Variants in TLL2 observed in about 807,000 individuals in gnomAD.
The protein encoded by TLL2 is tolloid-like protein 2.
In TLL2, 106 loss-of-function variants were observed where a neutral mutation model predicts 123.0. That is an observed-to-expected ratio of 0.86 (90% CI 0.74 to 1.01). The LOEUF is 1.01. Among genes scored for constraint, TLL2 ranks in the 50% least tolerant of loss-of-function variants. TLL2 has a pLI of 0.00. For synonymous variants in TLL2, 494 were observed against 516.8 expected, an observed-to-expected ratio of 0.96 and a Z score of 0.60; for missense variants, 1,332 against 1,336.7, an observed-to-expected ratio of 1.00 and a Z score of 0.06.
intron 9 of TLL2, among the ~76,000 whole-genome samples, chr10:96,407,874 CGT>C (rs3838344): frequency 3.9e-5 from 6 of 151,942 alleles, no homozygotes; most frequent in East Asian, 3.9e-4. Context: ...TGTGCGCACA[CGT>C]GTGTGCGTGT....
chr10:96,394,315 C>T (rs939058836), intron 13 of TLL2, among the ~76,000 whole-genome samples: 1 of 152,194 alleles, frequency 6.6e-6, no homozygotes, highest in Non-Finnish European at 1.5e-5. Context: ...CTCCTGGGCG[C>T]CCAGGCCCAA....
intron 2 of TLL2, among the ~76,000 whole-genome samples, chr10:96,466,977 T>C (rs1314495571): frequency 6.6e-6 from 1 of 152,204 alleles, no homozygotes; most frequent in Non-Finnish European, 1.5e-5. Flanking sequence ...ATGTCATAGG[T>C]AGCCCTAAGA....
At chr10:96,491,824 A>G (rs1208455778) in intron 1 of TLL2, among the ~76,000 whole-genome samples, 1 of 152,160 alleles carries the variant, frequency 6.6e-6, no homozygotes, top group South Asian at 2.1e-4. Context: ...GTCACTGAAC[A>G]TGGAGTTGGG....
intron 7 of TLL2, among the ~76,000 whole-genome samples, chr10:96,414,569 C>T (rs1589416615): frequency 2.0e-5 from 3 of 152,010 alleles, no homozygotes; most frequent in East Asian, 3.9e-4. Flanking sequence ...TCCCTCTGTC[C>T]TCTCTCTCCA....
chr10:96,459,669 C>CAAAAA (rs1165594084), intron 2 of TLL2, among the ~76,000 whole-genome samples: 1 of 24,446 alleles, frequency 4.1e-5, no homozygotes, highest in Non-Finnish European at 6.7e-5. Flanking sequence ...GATCCTGTTT[C>CAAAAA]AAAAAAAAAA....
chr10:96,398,868 C>CTTTTTT (rs3033618), intron 10 of TLL2, among the ~76,000 whole-genome samples: 4 of 107,736 alleles, frequency 3.7e-5, no homozygotes, highest in African/African-American at 3.8e-5. Context: ...TGAAAATATT[C>CTTTTTT]TTTTTTTTTT....
Position 96,506,271 on chromosome 10 carries a change from A to AAAG in TLL2, c.175+7239_175+7240insCTT, listed in dbSNP as rs1373761621. Among the ~76,000 whole-genome samples the AAAG allele has an allele frequency of 4.1e-4, 61 of 150,210 alleles. 3 individuals carry two copies. The highest frequency in any genetic ancestry group is 9.3e-4 in the Admixed American group (14 of 15,064). On this transcript the variant is annotated intron_variant, in intron 1 of 20. Transcript: ENST00000357947. ...CATCTCAAAAAAAAAAAAAAGAAAA[A>AAAG]AAAAAAAGAAAAAAGGAAAGTGACA...
At chr10:96,486,994 G>C (rs547557496) in intron 1 of TLL2, among the ~76,000 whole-genome samples, 1 of 152,338 alleles carries the variant, frequency 6.6e-6, no homozygotes, top group African/African-American at 2.4e-5. Flanking sequence ...AATCCTTTAC[G>C]AAGGCACTTT....
intron 20 of TLL2, among the ~76,000 whole-genome samples, chr10:96,369,089 C>T (rs530681537): frequency 6.6e-6 from 1 of 152,310 alleles, no homozygotes; most frequent in African/African-American, 2.4e-5. Flanking sequence ...ATAAGTCCAG[C>T]CAATAGCAAA....
chr10:96,395,938 T>C lies in TLL2; in HGVS notation c.1467A>G (p.Glu489=). 1 of 1,614,204 alleles carries C rather than the reference T, an allele frequency of 6.2e-7. No homozygotes were observed. Among genetic ancestry groups the C allele is most frequent in the Non-Finnish European group, 8.5e-7 (1 of 1,180,044 alleles). The change falls in exon 12 of 21, where the codon GAA becomes GAG. Residue 489 remains glutamate, a synonymous_variant. Coordinates refer to ENST00000357947, the MANE Select transcript of TLL2 (RefSeq NM_012465.4). ...CTGAAACCGTAATCCTCCAGACACA[T>C]TCCTTGGAAGGTCTGTAGTCATCCG... ...NYPDDYRPSK[E]CVWRITVSEG...
chr10:96,495,133 T>G (rs1165851684), intron 1 of TLL2, among the ~76,000 whole-genome samples: 3 of 152,164 alleles, frequency 2.0e-5, no homozygotes, highest in Non-Finnish European at 2.9e-5. Flanking sequence ...GAAGACTTCA[T>G]AGATGTTCCA....
At chr10:96,434,542 G>C (rs1554936244) in intron 3 of TLL2, among the ~76,000 whole-genome samples, 2 of 152,194 alleles carry the variant, frequency 1.3e-5, no homozygotes, top group Non-Finnish European at 2.9e-5. Flanking sequence ...TGGCTGAGTA[G>C]TATTCCATTG....
intron 2 of TLL2, among the ~76,000 whole-genome samples, chr10:96,449,572 A>G (rs1846934548): frequency 6.6e-6 from 1 of 152,188 alleles, no homozygotes. Flanking sequence ...CCTGGAGTTA[A>G]TGTGGCTTGG....
intron 8 of TLL2, among the ~76,000 whole-genome samples, chr10:96,412,790 C>T (rs917769756): frequency 6.6e-6 from 1 of 152,190 alleles, no homozygotes; most frequent in Non-Finnish European, 1.5e-5. Flanking sequence ...TGTCTTCCTG[C>T]AAAATCCAGC....
chr10:96,513,632 C>A lies in TLL2; in HGVS notation c.54G>T (p.Pro18=). The part of the protein sequence containing the change: ...GALVSLLLLL[P]LPRGAGGLGE... ...CGAGTCCCCCGGCGCCGCGAGGCAG[C>A]GGCAGCAGCAGCAGCAGTGACACCA... is the stretch of plus-strand genomic sequence containing the variant. Residue 18 remains proline (P), a synonymous_variant, in exon 1 of 21, where the codon CCG becomes CCT. Transcript: ENST00000357947. 6.3e-7 allele frequency: 1 copy of A among 1,597,458 alleles called. No homozygotes were observed. Among genetic ancestry groups the A allele is most frequent in the South Asian group, 1.1e-5 (1 of 90,578 alleles).
At chr10:96,440,934 G>A (rs950627272) in intron 3 of TLL2, among the ~76,000 whole-genome samples, 2 of 152,150 alleles carry the variant, frequency 1.3e-5, no homozygotes, top group African/African-American at 4.8e-5. Flanking sequence ...TCTGGAATCG[G>A]AGTCCAAATA....
intron 2 of TLL2, 60 bp downstream of exon 2, chr10:96,480,289 C>T (rs1282326782): frequency 2.8e-6 from 4 of 1,416,412 alleles, no homozygotes; most frequent in Non-Finnish European, 4.0e-6. Context: ...CCACATCTCC[C>T]CCTGCTGAAG....
chr10:96,427,974 A>G (rs1201622663), intron 5 of TLL2, among the ~76,000 whole-genome samples: 1 of 145,394 alleles, frequency 6.9e-6, no homozygotes. Context: ...TTGTATTTTT[A>G]GTAGAGATGG....
rs114503373 is a variant in TLL2 at position 96,467,895 on chromosome 10, A to G, written c.286+12454T>C. Among the ~76,000 whole-genome samples the G allele has an allele frequency of 4.6e-3, 700 of 152,332 alleles. 8 individuals are homozygous for G. The highest frequency in any genetic ancestry group is 0.015 in the African/African-American group (643 of 41,574). On this transcript the variant is annotated intron_variant, in intron 2 of 20. Coordinates refer to ENST00000357947, the MANE Select transcript of TLL2 (RefSeq NM_012465.4). ...ACTGAATCCTCAACTGATACATATG[A>G]TACACGTGATCCCCAGCACTCATGA...
Sources: gnomAD v4.1 joint callset for allele counts (sites outside exome capture counted in the v4.1 genomes callset) on GRCh38, gnomAD v4.1.1 for gene constraint, MANE v1.5 for transcripts, NCBI Gene and HGNC (gene_info 2026-07-23, HGNC 2026-07-21) for gene names.